The following KIF6 variants were observed in gnomAD, a reference collection of about 807,000 sequenced individuals.
KIF6 encodes kinesin family member 6.
Under a neutral mutation model 112.7 loss-of-function variants are expected in KIF6, and 106 were observed. That is an observed-to-expected ratio of 0.94 (90% confidence interval 0.80 to 1.11). The LOEUF (loss-of-function observed/expected upper bound fraction) is 1.11. KIF6 is among the 50% of genes least tolerant of loss of function. KIF6 has a pLI of 0.00. For synonymous variants in KIF6, 339 were observed against 339.9 expected, an observed-to-expected ratio of 1.00 and a Z score of 0.03; for missense variants, 929 against 964.0, an observed-to-expected ratio of 0.96 and a Z score of 0.48.
chr6:39,565,145 C>T (rs1013870713), intron 10 of KIF6, among the ~76,000 whole-genome samples: 7 of 152,092 alleles, frequency 4.6e-5, no homozygotes, highest in African/African-American at 9.7e-5. Context: ...GGACAATTCT[C>T]GAAACGTCAT....
chr6:39,408,141 C>T (rs1286168067), intron 15 of KIF6, among the ~76,000 whole-genome samples: 3 of 152,174 alleles, frequency 2.0e-5, no homozygotes, highest in Non-Finnish European at 4.4e-5. Context: ...TTCACCAGCT[C>T]TTAGGGAAAT....
At chr6:39,554,308 A>C (rs1779563391) in intron 10 of KIF6, 1 of 153,814 alleles carries the variant, frequency 6.5e-6, no homozygotes, top group African/African-American at 2.4e-5. Context: ...GCCCACAGGC[A>C]CCCATCCCAG....
chr6:39,528,382 C>T (rs1777856744), intron 13 of KIF6, among the ~76,000 whole-genome samples: 1 of 152,194 alleles, frequency 6.6e-6, no homozygotes, highest in Admixed American at 6.5e-5. Context: ...TTTAGGTTAA[C>T]TCCATCACTT....
intron 14 of KIF6, among the ~76,000 whole-genome samples, chr6:39,423,412 A>C (rs770534219): frequency 8.6e-5 from 13 of 151,940 alleles, no homozygotes; most frequent in Non-Finnish European, 1.8e-4. Context: ...TGTGTTCTGC[A>C]GCCTGTTCCT....
chr6:39,354,627 T>A (rs1252708056), intron 19 of KIF6, among the ~76,000 whole-genome samples: 1 of 152,098 alleles, frequency 6.6e-6, no homozygotes, highest in Non-Finnish European at 1.5e-5. Context: ...ATGGTTATAA[T>A]AGGGCCTGGC....
At position 39,363,250 on chromosome 6, in the gene KIF6, A is replaced by G. The variant is rs567426984; in HGVS notation, c.1862-732T>C. On this transcript the variant is annotated intron_variant, in intron 16 of 22. Transcript: ENST00000287152. ...CTGACATCTTTCTCTGCACAAGTGG[A>G]GGTGCTTAATTTCCAGCCTCAGAAT... Among the ~76,000 whole-genome samples, 3 of 152,326 alleles carry G rather than the reference A, an allele frequency of 2.0e-5. No homozygotes were observed. The South Asian group carries it at 6.2e-4, about 32-fold the overall frequency.
chr6:39,556,005 A>G (rs1029115853), intron 10 of KIF6, among the ~76,000 whole-genome samples: 2 of 151,952 alleles, frequency 1.3e-5, no homozygotes, highest in African/African-American at 4.8e-5. Flanking sequence ...GGATTCTTAC[A>G]TAAAGATTAT....
At chr6:39,583,214 G>A (rs963308183) in intron 9 of KIF6, 1 of 241,722 alleles carries the variant, frequency 4.1e-6, no homozygotes, top group Admixed American at 4.2e-5. Context: ...TTCTGAACTA[G>A]TTTTTGTCTT....
chr6:39,643,280 A>C (rs1165314189), intron 3 of KIF6, among the ~76,000 whole-genome samples: 5 of 152,224 alleles, frequency 3.3e-5, no homozygotes, highest in African/African-American at 4.8e-5. Flanking sequence ...GATTTCTATC[A>C]AAATTCAAGC....
At chr6:39,449,277 T>C (rs559709187) in intron 13 of KIF6, among the ~76,000 whole-genome samples, 1 of 152,342 alleles carries the variant, frequency 6.6e-6, no homozygotes, top group Admixed American at 6.5e-5. Flanking sequence ...CAAACCTGAA[T>C]ATACCCCAAC....
chr6:39,347,066 TATC>T (rs1289015785), intron 19 of KIF6, among the ~76,000 whole-genome samples: 3 of 152,226 alleles, frequency 2.0e-5, no homozygotes, highest in South Asian at 2.1e-4. Flanking sequence ...GCTCTGCAAA[TATC>T]ATGCCATTTA....
At chr6:39,589,699 T>A (rs1351772506) in intron 7 of KIF6, among the ~76,000 whole-genome samples, 1 of 152,156 alleles carries the variant, frequency 6.6e-6, no homozygotes, top group South Asian at 2.1e-4. Flanking sequence ...GGCAGAGGCA[T>A]CTGGTTCTTC....
rs181955351 is a variant in KIF6, at chr6:39,661,982, A to C, written c.252-22225T>G. 8.7e-3 allele frequency among the ~76,000 whole-genome samples: 1,319 copies of C among 152,272 alleles called. 20 individuals are homozygous for C. Among genetic ancestry groups the C allele is most frequent in the African/African-American group, 0.03 (1,255 of 41,552 alleles). On this transcript the variant is annotated intron_variant, in intron 3 of 22. Transcript: ENST00000287152. The stretch of plus-strand genomic sequence containing the variant: ...CTTTAATTGTACTGGAGACCTTGGC[A>C]CCCCAGGAAAGTTTAAATAATTAAG...
At chr6:39,671,864 C>G (rs1037486729) in intron 3 of KIF6, among the ~76,000 whole-genome samples, 3 of 152,170 alleles carry the variant, frequency 2.0e-5, no homozygotes, top group Non-Finnish European at 4.4e-5. Flanking sequence ...TGTGGGTTGT[C>G]TTCGGGTACT....
chr6:39,477,358 T>C (rs1028334917), intron 13 of KIF6, among the ~76,000 whole-genome samples: 1 of 152,192 alleles, frequency 6.6e-6, no homozygotes, highest in African/African-American at 2.4e-5. Context: ...AGCCTATGTG[T>C]GGAAATTTAT....
At chr6:39,346,116 C>CT (rs1763753460) in intron 20 of KIF6, among the ~76,000 whole-genome samples, 6 of 17,844 alleles carry the variant, frequency 3.4e-4, no homozygotes, top group South Asian at 2.5e-3. Flanking sequence ...CCTCCCTCTC[C>CT]CTCTCCCTCC....
In KIF6 at chr6:39,485,063, C is replaced by T. The variant is rs572386208; in HGVS notation, c.1646-53902G>A. Among the ~76,000 whole-genome samples, 289 of 152,318 alleles carry T rather than the reference C, an allele frequency of 1.9e-3. 1 individual carries two copies. Among genetic ancestry groups the T allele is most frequent in the African/African-American group, 6.6e-3 (273 of 41,570 alleles). On this transcript the variant is annotated intron_variant, in intron 13 of 22. Coordinates refer to ENST00000287152, the MANE Select transcript of KIF6 (RefSeq NM_145027.6). ...ATTTCTCCATCTTCAAGATGAGGAA[C>T]TTACATCTTAGTGAGGTTGCCCATT...
chr6:39,498,317 C>G (rs946144373), intron 13 of KIF6, among the ~76,000 whole-genome samples: 1 of 152,156 alleles, frequency 6.6e-6, no homozygotes, highest in Non-Finnish European at 1.5e-5. Flanking sequence ...AATTTTAAAG[C>G]TCAATTTTAA....
chr6:39,417,261 C>T (rs945776141), intron 15 of KIF6, among the ~76,000 whole-genome samples: 5 of 152,148 alleles, frequency 3.3e-5, no homozygotes, highest in East Asian at 1.9e-4. Flanking sequence ...TTCAGTAATA[C>T]GGCTGAGTCT....
Sources: gnomAD v4.1 joint callset for allele counts (sites outside exome capture counted in the v4.1 genomes callset) on GRCh38, gnomAD v4.1.1 for gene constraint, MANE v1.5 for transcripts, NCBI Gene and HGNC (gene_info 2026-07-23, HGNC 2026-07-21) for gene names.